KIRREL3: variants seen among roughly 807,000 people sequenced by gnomAD.
KIRREL3 encodes the protein kin of IRRE-like protein 3.
KIRREL3 carries 36 observed loss-of-function variants against 89.7 expected under a neutral mutation model. The ratio of observed to expected loss-of-function variants is 0.40; its 90% confidence interval spans 0.31 to 0.53. The LOEUF is 0.53. Ranked by LOEUF, KIRREL3 falls within the 20% of genes least tolerant of loss-of-function variation. The probability of loss-of-function intolerance (pLI) is 0.49; values close to 1 mark genes in which losing one functional copy is unlikely to be tolerated. For missense variants in KIRREL3, 864 were observed against 1,056.6 expected (o/e 0.82, Z 2.53); for synonymous variants, 445 against 441.4 (o/e 1.01, Z -0.10).
chr11:126,526,407 G>T lies in KIRREL3; in HGVS notation c.283+131C>A, dbSNP rs1055893052. On this transcript the variant is annotated intron_variant, in intron 3 of 16. Transcript: ENST00000525144. The surrounding 1 kb of genome is among the most constrained non-coding windows in gnomAD (Gnocchi z 5.7). ...GTGCTTGCCTAGCCTGACTCTGCCTGAGGAGTTGCAGTGAAAGCTAGAGAT... is the reference window on the plus strand; with the variant it reads ...GTGCTTGCCTAGCCTGACTCTGCCTTAGGAGTTGCAGTGAAAGCTAGAGAT... The T allele has an allele frequency of 6.8e-6, 6 of 886,946 alleles. No homozygotes were observed. In the East Asian group the frequency reaches 1.6e-4, roughly 24 times the overall value. The allele number at this position is 886,946 out of a possible 1,614,324, so 54.9% of individuals were successfully genotyped here.
At chr11:126,692,196 G>A (rs1000406143) in intron 1 of KIRREL3, among the ~76,000 whole-genome samples, 5 of 151,988 alleles carry the variant, frequency 3.3e-5, no homozygotes, top group Admixed American at 2.0e-4. Flanking sequence ...TTAAAAGCAG[G>A]GTGTCGATTC....
At chr11:126,442,789 C>A (rs1459509825) in intron 10 of KIRREL3, among the ~76,000 whole-genome samples, 1 of 152,254 alleles carries the variant, frequency 6.6e-6, no homozygotes, top group Non-Finnish European at 1.5e-5. Flanking sequence ...AACTCATCCA[C>A]CTGCCTCCAG....
chr11:126,856,568 T>TAC, intron 1 of KIRREL3, among the ~76,000 whole-genome samples: 1 of 4,986 alleles, frequency 2.0e-4, no homozygotes, highest in African/African-American at 1.0e-3. Context: ...TATATATATA[T>TAC]ATATATATAT....
rs146390735 is a variant in KIRREL3 at position 126,683,572 on chromosome 11, C to T, written c.56-120660G>A. Among the ~76,000 whole-genome samples, 385 of 152,324 alleles carry T rather than the reference C, an allele frequency of 2.5e-3. No homozygotes were observed. The highest frequency in any genetic ancestry group is 4.3e-3 in the Non-Finnish European group (295 of 68,028). Reference sequence around the variant, plus strand: ...CACCCATCTTGGAGGAGATTTGGCACGTGATGCTCAGCACATTGCCTGACA... The same window carrying T: ...CACCCATCTTGGAGGAGATTTGGCATGTGATGCTCAGCACATTGCCTGACA... On this transcript the variant is annotated intron_variant, in intron 1 of 16. Transcript: ENST00000525144. This position sits in a 1 kb window ranked among gnomAD's most constrained non-coding sequence, Gnocchi z 5.2.
At chr11:126,593,405 C>G (rs1942241464) in intron 1 of KIRREL3, among the ~76,000 whole-genome samples, 1 of 152,220 alleles carries the variant, frequency 6.6e-6, no homozygotes, top group African/African-American at 2.4e-5. Flanking sequence ...GTCCCCAGCT[C>G]TAAGCCACAG....
At chr11:126,543,087 A>T (rs1938502300) in intron 2 of KIRREL3, among the ~76,000 whole-genome samples, 1 of 152,054 alleles carries the variant, frequency 6.6e-6, no homozygotes, top group Non-Finnish European at 1.5e-5. Flanking sequence ...ATACCCTCCC[A>T]ATTCTGCCCT....
intron 1 of KIRREL3, among the ~76,000 whole-genome samples, chr11:126,932,521 A>G (rs1186531075): frequency 2.0e-5 from 3 of 152,196 alleles, no homozygotes; most frequent in Admixed American, 6.5e-5. Context: ...TAGTATCGTT[A>G]TGAAGGTTTT....
At chr11:126,868,278 G>A in intron 1 of KIRREL3, among the ~76,000 whole-genome samples, 1 of 13,786 alleles carries the variant, frequency 7.3e-5, no homozygotes, top group African/African-American at 3.4e-4. Context: ...GGTCCAGCAG[G>A]GCAGCCCTTG....
chr11:126,910,959 C>A (rs1946791631), intron 1 of KIRREL3, among the ~76,000 whole-genome samples: 1 of 152,144 alleles, frequency 6.6e-6, no homozygotes. Context: ...GTTCTCATTG[C>A]CGGGGGAAGG....
In KIRREL3 at chr11:126,429,427, C is replaced by T; in HGVS notation, c.1697-139G>A. 2 of 654,132 alleles carry T rather than the reference C, an allele frequency of 3.1e-6. No individual in the cohort carries two copies. Among genetic ancestry groups the T allele is most frequent in the Non-Finnish European group, 5.6e-6 (2 of 359,096 alleles). The allele number at this position is 654,132 out of a possible 1,614,324, so 40.5% of individuals were successfully genotyped here. ...CCCCTGAACTCAGCAGCTTCACCAG[C>T]CCCCCACCAATAGAACCTCCATATG... On this transcript the variant is annotated intron_variant, in intron 14 of 16. Coordinates refer to ENST00000525144, the MANE Select transcript of KIRREL3 (RefSeq NM_032531.4). This position sits in a 1 kb window ranked among gnomAD's most constrained non-coding sequence, Gnocchi z 5.2.
At position 126,739,311 on chromosome 11, in the gene KIRREL3, C is replaced by T. The variant is rs998748559; in HGVS notation, c.56-176399G>A. On this transcript the variant is annotated intron_variant, in intron 1 of 16. Transcript: ENST00000525144. The surrounding 1 kb of genome is among the most constrained non-coding windows in gnomAD (Gnocchi z 5.5). ...CTTTTGGCATGGTTATGGGGCTTCTCTGCAAATTGCTTCATCCTCCTCTGC... is the reference window on the plus strand; with the variant it reads ...CTTTTGGCATGGTTATGGGGCTTCTTTGCAAATTGCTTCATCCTCCTCTGC... Among the ~76,000 whole-genome samples the T allele has an allele frequency of 2.0e-5, 3 of 152,374 alleles. No individual in the cohort carries two copies. The highest frequency in any genetic ancestry group is 4.8e-5 in the African/African-American group (2 of 41,588).
At chr11:126,728,392 T>A (rs1334625269) in intron 1 of KIRREL3, among the ~76,000 whole-genome samples, 1 of 152,020 alleles carries the variant, frequency 6.6e-6, no homozygotes. Flanking sequence ...GTGTCCCACC[T>A]CCCACCGTGT....
rs372066492 is a variant in KIRREL3 at position 126,642,985 on chromosome 11, C to CCCATCCATCCATCCATCCAT, written c.56-80093_56-80074dup. 3.3e-3 allele frequency among the ~76,000 whole-genome samples: 499 copies of CCCATCCATCCATCCATCCAT among 150,736 alleles called. 1 individual carries two copies. The highest frequency in any genetic ancestry group is 5.7e-3 in the South Asian group (27 of 4,738). On this transcript the variant is annotated intron_variant, in intron 1 of 16. Transcript: ENST00000525144. The surrounding 1 kb of genome is among the most constrained non-coding windows in gnomAD (Gnocchi z 4.9). The stretch of plus-strand genomic sequence containing the variant: ...GGTACTTTGGCCTCCCTTCTTCCCT[C>CCCATCCATCCATCCATCCAT]CCATCCATCCATCCATCCATCCATC...
rs562857452 is a variant in KIRREL3, at chr11:126,876,079, A to G, written c.55+124376T>C. Among the ~76,000 whole-genome samples the G allele has an allele frequency of 6.6e-6, 1 of 152,252 alleles. No individual in the cohort carries two copies. The highest frequency in any genetic ancestry group is 1.9e-4 in the East Asian group (1 of 5,176). On this transcript the variant is annotated intron_variant, in intron 1 of 16. Transcript: ENST00000525144. The surrounding 1 kb of genome is among the most constrained non-coding windows in gnomAD (Gnocchi z 4.1). ...ACAGGAGGGGTATTGGAGGTGACCT[A>G]TTGTTGGAAATAATGACTTCAAAGG...
In KIRREL3 at chr11:126,664,327, C is replaced by T. The variant is rs555026385; in HGVS notation, c.56-101415G>A. Reference sequence around the variant, plus strand: ...ACAAAGAGGCTCACACAGAACCTATCCTTGTCCTATGTGACAGGCAGGGCA... The same window carrying T: ...ACAAAGAGGCTCACACAGAACCTATTCTTGTCCTATGTGACAGGCAGGGCA... On this transcript the variant is annotated intron_variant, in intron 1 of 16. Transcript: ENST00000525144. This position sits in a 1 kb window ranked among gnomAD's most constrained non-coding sequence, Gnocchi z 5.4. Among the ~76,000 whole-genome samples, 42 of 152,044 alleles carry T rather than the reference C, an allele frequency of 2.8e-4. No homozygotes were observed. The highest frequency in any genetic ancestry group is 6.8e-3 in the Middle Eastern group (2 of 294).
intron 1 of KIRREL3, among the ~76,000 whole-genome samples, chr11:126,672,931 G>A (rs547557057): frequency 2.0e-5 from 3 of 152,130 alleles, no homozygotes; most frequent in South Asian, 2.1e-4. Context: ...TTCTTAAGCC[G>A]GTTTTCAGTA....
intron 1 of KIRREL3, among the ~76,000 whole-genome samples, chr11:126,871,625 C>T (rs1945113178): frequency 6.6e-6 from 1 of 152,132 alleles, no homozygotes; most frequent in African/African-American, 2.4e-5. Flanking sequence ...TATTGAGGGG[C>T]AAAGGGGCTT....
chr11:126,582,150 T>C (rs1476683488), intron 1 of KIRREL3, among the ~76,000 whole-genome samples: 5 of 152,224 alleles, frequency 3.3e-5, no homozygotes, highest in African/African-American at 1.2e-4. Flanking sequence ...TGGGTGATAC[T>C]GAGCCAATCG....
At position 126,429,267 on chromosome 11, in the gene KIRREL3, G is replaced by T; in HGVS notation, c.1718C>A (p.Ala573Asp). The change falls in exon 15 of 17, where the codon GCC (alanine) becomes GAC (aspartate). Residue 573 changes from alanine to aspartate, a missense_variant. Physicochemically the swap from Ala to Asp is moderately radical, Grantham distance 126 (BLOSUM62 -2). Transcript: ENST00000525144. The surrounding 1 kb of genome is among the most constrained non-coding windows in gnomAD (Gnocchi z 5.2). ...AATTTCCACTCGGATATCATTTTTG[G>T]CTGACACAACACCTTTGAGATCTGG... ...SQRNLKGVVS[A>D]KNDIRVEIVH... 2 of 1,613,480 alleles carry T rather than the reference G, an allele frequency of 1.2e-6. No individual in the cohort carries two copies. Among genetic ancestry groups the T allele is most frequent in the Non-Finnish European group, 1.7e-6 (2 of 1,179,464 alleles).
Sources: allele counts gnomAD v4.1 joint callset (sites outside exome capture counted in the v4.1 genomes callset), GRCh38; gene constraint gnomAD v4.1.1; non-coding constraint Gnocchi (gnomAD v3.1); transcripts MANE v1.5; gene names NCBI Gene and HGNC (gene_info 2026-07-23, HGNC 2026-07-21).